The following CENPW variants were observed in gnomAD, a reference collection of about 807,000 sequenced individuals.
CENPW encodes centromere protein W.
CENPW carries 3 observed loss-of-function variants against 11.1 expected under a neutral mutation model. The observed-to-expected ratio is 0.27, with a 90% CI of 0.12 to 0.70. The LOEUF is 0.70. Among genes scored for constraint, CENPW ranks in the 30% least tolerant of loss-of-function variants. The pLI is 0.77. For synonymous variants in CENPW, 38 were observed against 42.0 expected (o/e 0.91, Z 0.37); for missense variants, 100 against 105.6 (o/e 0.95, Z 0.23).
chr6:126,381,535 G>C, the CENPW span, among the ~76,000 whole-genome samples: 3 of 152,156 alleles, frequency 2.0e-5, no homozygotes, highest in Non-Finnish European at 4.4e-5. Flanking sequence ...CCAGGGAAAT[G>C]CTTTTCTACT....
the CENPW span, among the ~76,000 whole-genome samples, chr6:126,448,120 C>G: frequency 2.6e-5 from 4 of 151,086 alleles, 1 homozygote; most frequent in Non-Finnish European, 5.9e-5. Context: ...ATTAGTGCTA[C>G]CCCAGGTGTC....
At chr6:126,457,439 C>A in the CENPW span, among the ~76,000 whole-genome samples, 1 of 151,288 alleles carries the variant, frequency 6.6e-6, no homozygotes, top group African/African-American at 2.4e-5. Flanking sequence ...AGGCCATTAT[C>A]CTAAACAAAC....
chr6:126,373,145 T>G, the CENPW span, among the ~76,000 whole-genome samples: 2 of 152,234 alleles, frequency 1.3e-5, no homozygotes, highest in African/African-American at 4.8e-5. Flanking sequence ...GTAAATGATT[T>G]TGTAACAAAA....
chr6:126,421,079 C>G, the CENPW span, among the ~76,000 whole-genome samples: 128 of 152,020 alleles, frequency 8.4e-4, no homozygotes, highest in African/African-American at 2.9e-3. Flanking sequence ...TTTCCAGTAC[C>G]AAGGGATTTG....
At chr6:126,473,752 C>CAT in the CENPW span, among the ~76,000 whole-genome samples, 11 of 149,866 alleles carry the variant, frequency 7.3e-5, no homozygotes, top group Non-Finnish European at 1.3e-4. Context: ...CTCTCTCTAG[C>CAT]ATATATATAT....
At chr6:126,429,995 A>C in the CENPW span, among the ~76,000 whole-genome samples, 1 of 152,112 alleles carries the variant, frequency 6.6e-6, no homozygotes, top group East Asian at 1.9e-4. Flanking sequence ...TCCCCACCTG[A>C]GAGAAAGCAT....
chr6:126,347,893 A>G (rs1780438941), intron 2 of CENPW, among the ~76,000 whole-genome samples: 1 of 151,930 alleles, frequency 6.6e-6, no homozygotes, highest in Non-Finnish European at 1.5e-5. Context: ...TATTTGTGCC[A>G]CAGACTATTA....
chr6:126,401,362 GCCT>G, the CENPW span, among the ~76,000 whole-genome samples: 1 of 151,966 alleles, frequency 6.6e-6, no homozygotes, highest in Admixed American at 6.6e-5. Context: ...TGTCTCTCTA[GCCT>G]CCTCATGCTT....
chr6:126,445,280 G>C, the CENPW span, among the ~76,000 whole-genome samples: 1 of 151,064 alleles, frequency 6.6e-6, no homozygotes, highest in Admixed American at 6.6e-5. Flanking sequence ...TCAAATTTTG[G>C]TATTGTAGGA....
At chr6:126,434,061 G>A in the CENPW span, among the ~76,000 whole-genome samples, 2 of 152,094 alleles carry the variant, frequency 1.3e-5, no homozygotes, top group African/African-American at 2.4e-5. Flanking sequence ...TTCCAAGATA[G>A]GCAAGCACTT....
At chr6:126,437,113 G>T in the CENPW span, among the ~76,000 whole-genome samples, 1 of 151,506 alleles carries the variant, frequency 6.6e-6, no homozygotes, top group Non-Finnish European at 1.5e-5. Context: ...CATTGATTAC[G>T]CACAACAGAA....
the CENPW span, among the ~76,000 whole-genome samples, chr6:126,459,024 T>C: frequency 6.6e-6 from 1 of 151,068 alleles, no homozygotes; most frequent in Non-Finnish European, 1.5e-5. Flanking sequence ...TCATCTTCAT[T>C]GTGTCTAAAT....
the CENPW span, among the ~76,000 whole-genome samples, chr6:126,474,253 G>A: frequency 1.3e-5 from 2 of 151,902 alleles, no homozygotes; most frequent in Non-Finnish European, 2.9e-5. Context: ...CTTTTATTCA[G>A]CATGGTACTG....
chr6:126,389,303 T>A, the CENPW span, among the ~76,000 whole-genome samples: 5 of 152,032 alleles, frequency 3.3e-5, no homozygotes, highest in South Asian at 2.1e-4. Flanking sequence ...GTCACATTTT[T>A]AAATTTTACT....
At chr6:126,403,105 A>G in the CENPW span, among the ~76,000 whole-genome samples, 1 of 152,136 alleles carries the variant, frequency 6.6e-6, no homozygotes. Flanking sequence ...ATACAAGATG[A>G]CAAATTTAAT....
At chr6:126,364,750 A>T in the CENPW span, among the ~76,000 whole-genome samples, 1 of 152,192 alleles carries the variant, frequency 6.6e-6, no homozygotes, top group Admixed American at 6.5e-5. Context: ...AAGGAAATTT[A>T]GTTTGTCTCT....
At chr6:126,421,386 C>T in the CENPW span, among the ~76,000 whole-genome samples, 14 of 152,048 alleles carry the variant, frequency 9.2e-5, no homozygotes, top group East Asian at 1.4e-3. Flanking sequence ...ACTGTTACCC[C>T]GGCTATATTA....
In CENPW at chr6:126,340,291, A is replaced by G. The variant is rs758508637; in HGVS notation, c.18A>G (p.Ile6Met). Residue 6 changes from isoleucine (I) to methionine (M), a missense_variant, in exon 1 of 3, where the codon ATA becomes ATG. Transcript: ENST00000368328. Reference sequence around the variant, plus strand: ...CAGAGAGGATGGCGCTGTCGACCATAGTCTCCCAGAGGAAGCAGATAAAGC... The same window carrying G: ...CAGAGAGGATGGCGCTGTCGACCATGGTCTCCCAGAGGAAGCAGATAAAGC... MALST[I>M]VSQRKQIKRK... 2.5e-6 allele frequency: 4 copies of G among 1,613,780 alleles called. No homozygotes were observed. The highest frequency in any genetic ancestry group is 3.4e-6 in the Non-Finnish European group (4 of 1,180,022).
At chr6:126,345,312 G>A (rs1378757538) in intron 1 of CENPW, among the ~76,000 whole-genome samples, 1 of 151,836 alleles carries the variant, frequency 6.6e-6, no homozygotes, top group African/African-American at 2.4e-5. Context: ...GAGTACATAT[G>A]TTTTGCTTAT....
Sources: gnomAD v4.1 joint callset for allele counts (sites outside exome capture counted in the v4.1 genomes callset) on GRCh38, gnomAD v4.1.1 for gene constraint, MANE v1.5 for transcripts, NCBI Gene and HGNC (gene_info 2026-07-23, HGNC 2026-07-21) for gene names.